Variants in TDRD5 observed in about 807,000 individuals in gnomAD.
TDRD5 encodes the protein tudor domain containing 5.
TDRD5 carries 41 observed loss-of-function variants against 120.6 expected under a neutral mutation model. The observed-to-expected ratio is 0.34, with a 90% CI of 0.26 to 0.44. TDRD5 has a LOEUF of 0.44. Ranked by LOEUF, TDRD5 falls within the 20% of genes least tolerant of loss-of-function variation. The probability of loss-of-function intolerance (pLI) is 1.00; values close to 1 mark genes in which losing one functional copy is unlikely to be tolerated. For missense variants in TDRD5, 1,006 were observed against 1,221.2 expected (o/e 0.82, Z 2.63); for synonymous variants, 430 against 433.7 (o/e 0.99, Z 0.11).
intron 6 of TDRD5, among the ~76,000 whole-genome samples, chr1:179,623,776 G>C (rs2101979623): frequency 6.6e-6 from 1 of 151,094 alleles, no homozygotes; most frequent in Middle Eastern, 3.4e-3. Flanking sequence ...TGGGACTACA[G>C]ACATGTGGTG....
chr1:179,601,971 A>C (rs1675738677), intron 4 of TDRD5, among the ~76,000 whole-genome samples: 1 of 152,186 alleles, frequency 6.6e-6, no homozygotes, highest in South Asian at 2.1e-4. Flanking sequence ...ACGCCCAGGT[A>C]ATTTTTTGTA....
At chr1:179,639,261 A>G in intron 9 of TDRD5, among the ~76,000 whole-genome samples, 1 of 152,184 alleles carries the variant, frequency 6.6e-6, no homozygotes, top group East Asian at 1.9e-4. Context: ...GCGCAGAAAG[A>G]TTGTCACAGA....
chr1:179,683,374 C>T (rs933008146), intron 17 of TDRD5, among the ~76,000 whole-genome samples: 6 of 152,180 alleles, frequency 3.9e-5, no homozygotes, highest in East Asian at 1.9e-4. Flanking sequence ...AATCTTTGGT[C>T]ACGTGTTCCT....
At chr1:179,636,128 A>T (rs1677755471) in intron 9 of TDRD5, among the ~76,000 whole-genome samples, 1 of 152,134 alleles carries the variant, frequency 6.6e-6, no homozygotes, top group African/African-American at 2.4e-5. Flanking sequence ...GCATTGTTTT[A>T]TCCTTTTGTA....
chr1:179,660,813 T>G (rs1679271667), intron 14 of TDRD5, among the ~76,000 whole-genome samples: 1 of 152,202 alleles, frequency 6.6e-6, no homozygotes, highest in Admixed American at 6.5e-5. Context: ...ATTCCAAGTT[T>G]CCTTCTGATA....
rs1677656497 is a variant in TDRD5 at position 179,634,579 on chromosome 1, CA to C, written c.1251del (p.Gln417HisfsTer12). The C allele has an allele frequency of 6.2e-7, 1 of 1,613,782 alleles. No homozygotes were observed. The highest frequency in any genetic ancestry group is 1.1e-5 in the South Asian group (1 of 91,032). On this transcript the variant is annotated frameshift_variant, in exon 8 of 18. Coordinates refer to ENST00000444136, the MANE Select transcript of TDRD5 (RefSeq NM_001199085.3). LOFTEE classifies it high-confidence loss of function. The part of the protein sequence containing the change: ...NCPSKKQKEP[Q>X]QKICKKPNLV... ...CCCTTCAAAAAAACAAAAAGAGCCA[CA>C]ACAGAAGATTTGCAAGAAGCCTAAT... is the stretch of plus-strand genomic sequence containing the variant.
At chr1:179,681,306 A>G (rs1191148666) in intron 17 of TDRD5, among the ~76,000 whole-genome samples, 2 of 152,192 alleles carry the variant, frequency 1.3e-5, no homozygotes, top group Non-Finnish European at 2.9e-5. Flanking sequence ...TCTCCTTCAA[A>G]TGATATCACT....
intron 13 of TDRD5, among the ~76,000 whole-genome samples, chr1:179,653,464 T>C (rs1221673732): frequency 6.6e-6 from 1 of 152,184 alleles, no homozygotes; most frequent in Non-Finnish European, 1.5e-5. Flanking sequence ...TTTAGATTTC[T>C]AGTTAATGTT....
At chr1:179,637,205 C>T (rs527747624) in intron 9 of TDRD5, among the ~76,000 whole-genome samples, 74 of 152,176 alleles carry the variant, frequency 4.9e-4, no homozygotes, top group African/African-American at 1.4e-3. Flanking sequence ...GCTTCTACTC[C>T]AGGACACCTG....
chr1:179,665,119 G>A (rs1679497731), intron 16 of TDRD5, among the ~76,000 whole-genome samples: 1 of 152,024 alleles, frequency 6.6e-6, no homozygotes, highest in African/African-American at 2.4e-5. Context: ...AAAGTAGGTT[G>A]TCTTTTGTTA....
intron 4 of TDRD5, among the ~76,000 whole-genome samples, chr1:179,602,325 CAT>C (rs1282985270): frequency 6.6e-6 from 1 of 152,130 alleles, no homozygotes; most frequent in African/African-American, 2.4e-5. Flanking sequence ...AGCATTTCTT[CAT>C]ATGTTTGTTG....
chr1:179,605,967 T>A (rs1675957083), intron 4 of TDRD5, among the ~76,000 whole-genome samples: 1 of 152,080 alleles, frequency 6.6e-6, no homozygotes, highest in Admixed American at 6.6e-5. Context: ...AGGAGTACAG[T>A]TGCTAAATTG....
chr1:179,653,750 C>T (rs1404103801), intron 13 of TDRD5, among the ~76,000 whole-genome samples: 1 of 151,964 alleles, frequency 6.6e-6, no homozygotes. Context: ...ATTAAGACTC[C>T]CATATGCTAC....
chr1:179,635,999 T>TA (rs1677748911), intron 9 of TDRD5, 112 bp downstream of exon 9: 6 of 730,792 alleles, frequency 8.2e-6, no homozygotes, highest in African/African-American at 5.3e-5. Flanking sequence ...AGCTTTTTTT[T>TA]ATCAGTATTT....
chr1:179,628,946 T>A (rs900536522), intron 6 of TDRD5, among the ~76,000 whole-genome samples: 1 of 133,596 alleles, frequency 7.5e-6, no homozygotes, highest in South Asian at 2.3e-4. Context: ...TGTTGTTGTT[T>A]TTGCCAATTT....
chr1:179,614,746 G>GC (rs1179952333), intron 4 of TDRD5, among the ~76,000 whole-genome samples: 1 of 151,734 alleles, frequency 6.6e-6, no homozygotes, highest in Admixed American at 6.6e-5. Context: ...CTCGGGGGAG[G>GC]GGGGGTTTAA....
In TDRD5 at chr1:179,640,065, A is replaced by C; in HGVS notation, c.1733+14A>C. The C allele has an allele frequency of 1.9e-6, 3 of 1,611,824 alleles. No homozygotes were observed. Among genetic ancestry groups the C allele is most frequent in the Non-Finnish European group, 2.5e-6 (3 of 1,178,220 alleles). On this transcript the variant is annotated intron_variant, in intron 10 of 17. Transcript: ENST00000444136. Reference sequence around the variant, plus strand: ...GAGGTTCCTCAAGTGAGTTGAATTGAATTAGAACAATGGATGAATTAAATT... The same window carrying C: ...GAGGTTCCTCAAGTGAGTTGAATTGCATTAGAACAATGGATGAATTAAATT...
At chr1:179,663,253 G>A in intron 15 of TDRD5, 95 bp from the exon 16 acceptor site, 1 of 1,365,670 alleles carries the variant, frequency 7.3e-7, no homozygotes, top group South Asian at 1.4e-5. Flanking sequence ...TTAAAAATAT[G>A]TATTGCTTTC....
Position 179,675,533 on chromosome 1 carries a change from C to T in TDRD5, c.2860+6129C>T, listed in dbSNP as rs1457297273. 2.0e-5 allele frequency among the ~76,000 whole-genome samples: 3 copies of T among 151,914 alleles called. No individual in the cohort carries two copies. In the East Asian group the frequency reaches 5.8e-4, roughly 29 times the overall value. On this transcript the variant is annotated intron_variant, in intron 17 of 17. Transcript: ENST00000444136. Reference sequence around the variant, plus strand: ...TGACCTCGTGATCCGCCCGCCTCGGCCTCCCAAAGTGCTGGGATTACAGGC... The same window carrying T: ...TGACCTCGTGATCCGCCCGCCTCGGTCTCCCAAAGTGCTGGGATTACAGGC...
Sources: allele counts gnomAD v4.1 joint callset (sites outside exome capture counted in the v4.1 genomes callset), GRCh38; gene constraint gnomAD v4.1.1; transcripts MANE v1.5; gene names NCBI Gene and HGNC (gene_info 2026-07-23, HGNC 2026-07-21).